The following ROCK1 variants were observed in gnomAD, a reference collection of about 807,000 sequenced individuals.
ROCK1 encodes the protein rho-associated protein kinase 1.
A neutral mutation model predicts 196.8 loss-of-function variants in ROCK1; 36 were observed. The ratio of observed to expected loss-of-function variants is 0.18; its 90% CI spans 0.14 to 0.24. ROCK1 has a LOEUF of 0.24. ROCK1 is among the 10% of genes least tolerant of loss of function. ROCK1 has a pLI of 1.00. For missense variants in ROCK1, 920 were observed against 1,562.0 expected, an observed-to-expected ratio of 0.59 and a Z score of 6.93; for synonymous variants, 443 against 515.9, an observed-to-expected ratio of 0.86 and a Z score of 1.91.
At chr18:21,025,056 GTCT>G (rs1213201021) in intron 10 of ROCK1, among the ~76,000 whole-genome samples, 1 of 152,174 alleles carries the variant, frequency 6.6e-6, no homozygotes, top group Admixed American at 6.5e-5. Context: ...TGACATTTTA[GTCT>G]TCTGCAAAAT....
At chr18:21,039,812 C>T (rs1257658781) in intron 8 of ROCK1, among the ~76,000 whole-genome samples, 3 of 152,086 alleles carry the variant, frequency 2.0e-5, no homozygotes, top group Non-Finnish European at 4.4e-5. Context: ...AATCCCAGCA[C>T]TTTGGGAGGC....
At chr18:20,962,553 A>G (rs1393683414) in intron 27 of ROCK1, among the ~76,000 whole-genome samples, 1 of 152,168 alleles carries the variant, frequency 6.6e-6, no homozygotes, top group East Asian at 1.9e-4. Context: ...TTAACCTGCC[A>G]GTTTTAATAT....
rs9959737 is a variant in ROCK1 at position 20,971,558 on chromosome 18, G to A, written c.2655-1045C>T. ...TGGAGACCAGTCTGCCAACGTAGTG[G>A]AACCCCATCTCTACTAAAAATACAA... On this transcript the variant is annotated intron_variant, in intron 22 of 32. Coordinates refer to ENST00000399799, the MANE Select transcript of ROCK1 (RefSeq NM_005406.3). Among the ~76,000 whole-genome samples, 1,475 of 151,688 alleles carry A rather than the reference G, an allele frequency of 9.7e-3. 19 individuals carry two copies. The highest frequency in any genetic ancestry group is 0.034 in the African/African-American group (1,417 of 41,354).
chr18:20,953,648 T>C lies in ROCK1; in HGVS notation c.3991A>G (p.Thr1331Ala), dbSNP rs1199528638. The C allele has an allele frequency of 4.3e-6, 7 of 1,612,844 alleles. No individual in the cohort carries two copies. Among genetic ancestry groups the C allele is most frequent in the Non-Finnish European group, 5.9e-6 (7 of 1,179,686 alleles). Reference sequence around the variant, plus strand: ...TTTGCAGTGGATCTTGTAGAAAGCGTTCGAGGGGAAGCACGAACAAAACCA... The same window carrying C: ...TTTGCAGTGGATCTTGTAGAAAGCGCTCGAGGGGAAGCACGAACAAAACCA... ...PSGFVRASPRTLSTRSTANQS... is the reference protein window; with the variant it reads ...PSGFVRASPRALSTRSTANQS... The change falls in exon 32 of 33, where the codon ACG becomes GCG. Residue 1331 changes from threonine (T) to alanine (A), a missense_variant. Physicochemically the swap from Thr to Ala is moderately conservative, Grantham distance 58. Transcript: ENST00000399799.
rs150343409 is a variant in ROCK1 at position 21,075,744 on chromosome 18, G to A, written c.94-5131C>T. ...CGAGGCTGGTGGATCACCTGAGGTCGGAGTTTGAGACCAGCCTGACCAACA... is the reference window on the plus strand; with the variant it reads ...CGAGGCTGGTGGATCACCTGAGGTCAGAGTTTGAGACCAGCCTGACCAACA... On this transcript the variant is annotated intron_variant, in intron 1 of 32. Coordinates refer to ENST00000399799, the MANE Select transcript of ROCK1 (RefSeq NM_005406.3). Among the ~76,000 whole-genome samples the A allele has an allele frequency of 9.8e-3, 1,483 of 151,586 alleles. 18 individuals are homozygous for A. The highest frequency in any genetic ancestry group is 0.034 in the African/African-American group (1,426 of 41,336).
chr18:21,010,769 T>C (rs2035810007), intron 13 of ROCK1, among the ~76,000 whole-genome samples: 1 of 152,218 alleles, frequency 6.6e-6, no homozygotes, highest in Non-Finnish European at 1.5e-5. Flanking sequence ...TGGTGATTCT[T>C]ACGGGTGCTG....
intron 22 of ROCK1, among the ~76,000 whole-genome samples, chr18:20,975,489 T>G (rs1370968137): frequency 6.6e-6 from 1 of 152,234 alleles, no homozygotes; most frequent in Non-Finnish European, 1.5e-5. Flanking sequence ...TTCTCATCTC[T>G]ATTTAGAAGC....
At chr18:21,001,923 A>G (rs2035728640) in intron 16 of ROCK1, among the ~76,000 whole-genome samples, 1 of 152,168 alleles carries the variant, frequency 6.6e-6, no homozygotes, top group East Asian at 1.9e-4. Flanking sequence ...AAACGGATCA[A>G]CTTTTCACCC....
intron 1 of ROCK1, among the ~76,000 whole-genome samples, chr18:21,084,087 A>T (rs1459680494): frequency 6.6e-6 from 1 of 152,204 alleles, no homozygotes; most frequent in East Asian, 1.9e-4. Flanking sequence ...AAGAGAATCA[A>T]GTGGGAGCCC....
intron 13 of ROCK1, among the ~76,000 whole-genome samples, chr18:21,011,719 G>C (rs2035818918): frequency 6.6e-6 from 1 of 152,170 alleles, no homozygotes; most frequent in African/African-American, 2.4e-5. Flanking sequence ...GCCTCCCAAA[G>C]TGCTGGGATT....
chr18:21,001,737 CCTGGGTGACAGAGTGAGGCT>C (rs2035726828), intron 16 of ROCK1, among the ~76,000 whole-genome samples: 1 of 151,352 alleles, frequency 6.6e-6, no homozygotes. Context: ...TGCACTGTAG[CCTGGGTGACAGAGTGAGGCT>C]CCGTCTCAAA....
intron 22 of ROCK1, among the ~76,000 whole-genome samples, chr18:20,974,932 C>T (rs1464356300): frequency 6.6e-6 from 1 of 152,228 alleles, no homozygotes; most frequent in African/African-American, 2.4e-5. Context: ...CCTCTAGCTA[C>T]TGCTACATCC....
intron 2 of ROCK1, among the ~76,000 whole-genome samples, chr18:21,064,713 T>C (rs1469324831): frequency 6.6e-6 from 1 of 152,232 alleles, no homozygotes; most frequent in African/African-American, 2.4e-5. Flanking sequence ...TACTACTCTT[T>C]TGTATTTATC....
chr18:21,057,560 G>A (rs560912136), intron 2 of ROCK1, among the ~76,000 whole-genome samples: 18 of 152,214 alleles, frequency 1.2e-4, no homozygotes, highest in African/African-American at 3.6e-4. Context: ...TGTGACTCAC[G>A]CCTATAATCC....
At chr18:21,049,330 AT>A in intron 3 of ROCK1, 101 bp from the exon 4 acceptor site, 1 of 888,838 alleles carries the variant, frequency 1.1e-6, no homozygotes, top group Non-Finnish European at 1.6e-6. Flanking sequence ...TTGCTAAATA[AT>A]TTAGCCTTAC....
chr18:21,071,235 G>GT (rs2036382761), intron 1 of ROCK1, among the ~76,000 whole-genome samples: 1 of 142,000 alleles, frequency 7.0e-6, no homozygotes, highest in African/African-American at 2.6e-5. Flanking sequence ...CTGGAGTGCA[G>GT]TGGTGCAATG....
intron 1 of ROCK1, among the ~76,000 whole-genome samples, chr18:21,078,371 C>G (rs59950573): frequency 6.2e-4 from 89 of 144,080 alleles, no homozygotes; most frequent in African/African-American, 1.3e-3. Context: ...CACACACACA[C>G]ACAGAGAGAG....
chr18:20,979,780 T>C, intron 22 of ROCK1, 130 bp downstream of exon 22: 1 of 1,118,836 alleles, frequency 8.9e-7, no homozygotes, highest in Non-Finnish European at 1.2e-6. Context: ...ATCTGATTTG[T>C]TCTGAATTAG....
chr18:21,085,143 G>C (rs2036515565), intron 1 of ROCK1, among the ~76,000 whole-genome samples: 1 of 152,060 alleles, frequency 6.6e-6, no homozygotes, highest in South Asian at 2.1e-4. Flanking sequence ...GTTTGTTTGA[G>C]ACAGATGATA....
Sources: gnomAD v4.1 joint callset for allele counts (sites outside exome capture counted in the v4.1 genomes callset) on GRCh38, gnomAD v4.1.1 for gene constraint, MANE v1.5 for transcripts, NCBI Gene and HGNC (gene_info 2026-07-23, HGNC 2026-07-21) for gene names.